SLC14A2: variants seen among roughly 807,000 people sequenced by gnomAD.
SLC14A2 encodes the protein solute carrier family 14 member 2.
A neutral mutation model predicts 104.6 loss-of-function variants in SLC14A2; 91 were observed. The observed-to-expected ratio is 0.87, with a 90% CI of 0.73 to 1.04. The LOEUF (loss-of-function observed/expected upper bound fraction) is 1.04. Among genes scored for constraint, SLC14A2 ranks in the 50% least tolerant of loss-of-function variants. The pLI is 0.00. For synonymous variants in SLC14A2, 476 were observed against 466.4 expected (o/e 1.02, Z -0.27); for missense variants, 1,189 against 1,156.0 (o/e 1.03, Z -0.41).
intron 1 of SLC14A2, among the ~76,000 whole-genome samples, chr18:45,343,282 C>T (rs146893174): frequency 7.2e-4 from 110 of 152,066 alleles, no homozygotes; most frequent in African/African-American, 2.6e-3. Flanking sequence ...ATGAGTCCCA[C>T]AGAGGAGATG....
the SLC14A2 span, among the ~76,000 whole-genome samples, chr18:45,199,098 A>G: frequency 6.6e-6 from 1 of 152,184 alleles, no homozygotes; most frequent in African/African-American, 2.4e-5. Flanking sequence ...AAAATTATAC[A>G]TTCACAATTA....
At chr18:45,271,399 G>A (rs554801663) in intron 1 of SLC14A2, among the ~76,000 whole-genome samples, 96 of 152,180 alleles carry the variant, frequency 6.3e-4, no homozygotes, top group African/African-American at 2.2e-3. Flanking sequence ...TTTATGACTT[G>A]AATGGAAATA....
intron 1 of SLC14A2, among the ~76,000 whole-genome samples, chr18:45,245,219 G>A (rs1194568163): frequency 6.6e-6 from 1 of 152,166 alleles, no homozygotes; most frequent in Non-Finnish European, 1.5e-5. Flanking sequence ...GGGGTTTGAG[G>A]TTTAGGCCCT....
At chr18:45,644,559 G>A (rs946611934) in intron 10 of SLC14A2, among the ~76,000 whole-genome samples, 1 of 152,188 alleles carries the variant, frequency 6.6e-6, no homozygotes, top group Non-Finnish European at 1.5e-5. Context: ...CAGACACAGA[G>A]TAGGGGGGTA....
intron 1 of SLC14A2, among the ~76,000 whole-genome samples, chr18:45,257,137 T>A (rs2084487668): frequency 2.0e-5 from 3 of 152,228 alleles, no homozygotes; most frequent in Admixed American, 2.0e-4. Context: ...AGAGTGACAG[T>A]GTTTTCAAGA....
chr18:45,258,589 C>G (rs998197497), intron 1 of SLC14A2, among the ~76,000 whole-genome samples: 2 of 143,060 alleles, frequency 1.4e-5, no homozygotes, highest in Non-Finnish European at 3.0e-5. Flanking sequence ...AGGCAAGGAC[C>G]TTTCTTATTG....
intron 1 of SLC14A2, among the ~76,000 whole-genome samples, chr18:45,314,667 T>C (rs1191340921): frequency 6.6e-6 from 1 of 152,214 alleles, no homozygotes; most frequent in Admixed American, 6.5e-5. Flanking sequence ...CTCTTGGCAA[T>C]TGCAGAGAAT....
Position 45,673,691 on chromosome 18 carries a change from A to G in SLC14A2, c.2386A>G (p.Ile796Val). The G allele has an allele frequency of 1.2e-6, 2 of 1,613,936 alleles. No individual in the cohort carries two copies. The highest frequency in any genetic ancestry group is 1.7e-6 in the Non-Finnish European group (2 of 1,179,916). Reference protein sequence around the residue: ...STMGMLAALTIATPFDSIYFG... With the variant: ...STMGMLAALTVATPFDSIYFG... ...CCTGCCTTCTGTCACAGCACTCACT[A>G]TTGCGACGCCCTTTGACTCCATCTA... Residue 796 changes from isoleucine (I) to valine (V), a missense_variant, in exon 18 of 20, where the codon ATT becomes GTT. By Grantham distance (29) the Ile-to-Val change is conservative. Transcript: ENST00000255226.
chr18:45,246,600 TCTCA>T (rs1189601159), intron 1 of SLC14A2, among the ~76,000 whole-genome samples: 2 of 152,070 alleles, frequency 1.3e-5, no homozygotes, highest in East Asian at 3.9e-4. Flanking sequence ...TGAGACAGAC[TCTCA>T]CTCTGTCGCC....
intron 1 of SLC14A2, among the ~76,000 whole-genome samples, chr18:45,365,046 CTGAT>C (rs2085652874): frequency 6.6e-6 from 1 of 152,158 alleles, no homozygotes; most frequent in Admixed American, 6.5e-5. Flanking sequence ...GGAATCCTCT[CTGAT>C]TGAAAGAGAA....
intron 2 of SLC14A2, among the ~76,000 whole-genome samples, chr18:45,484,550 T>A (rs1434175394): frequency 6.6e-6 from 1 of 152,198 alleles, no homozygotes; most frequent in Non-Finnish European, 1.5e-5. Flanking sequence ...ATGGAGGAAC[T>A]TCTAATGCCA....
the SLC14A2 span, among the ~76,000 whole-genome samples, chr18:45,175,647 C>A: frequency 1.3e-5 from 2 of 152,106 alleles, no homozygotes; most frequent in African/African-American, 4.8e-5. Context: ...AAAAATAAGA[C>A]TCAGGTTCAG....
chr18:45,414,014 A>G (rs906223433), intron 1 of SLC14A2, among the ~76,000 whole-genome samples: 2 of 152,224 alleles, frequency 1.3e-5, no homozygotes, highest in Admixed American at 1.3e-4. Flanking sequence ...GCCTCGTACA[A>G]AAAAAGTATT....
chr18:45,516,966 G>A (rs2043449839), intron 2 of SLC14A2, among the ~76,000 whole-genome samples: 2 of 152,234 alleles, frequency 1.3e-5, no homozygotes. Flanking sequence ...TGGAAGAGAA[G>A]AGAAAGCACT....
intron 1 of SLC14A2, among the ~76,000 whole-genome samples, chr18:45,480,015 A>C (rs1444616749): frequency 2.6e-5 from 4 of 152,186 alleles, no homozygotes; most frequent in Non-Finnish European, 5.9e-5. Context: ...TGGTTCAGTA[A>C]GTAGGGCTAG....
chr18:45,365,135 C>T (rs544135027), intron 1 of SLC14A2, among the ~76,000 whole-genome samples: 5 of 152,312 alleles, frequency 3.3e-5, no homozygotes, highest in Admixed American at 6.5e-5. Flanking sequence ...ATGTGGACTT[C>T]TAAGACCCCG....
In SLC14A2 at chr18:45,283,231, G is replaced by A. The variant is rs1044562431; in HGVS notation, c.-125+70040G>A. On this transcript the variant is annotated intron_variant, in intron 1 of 20. Coordinates refer to the SLC14A2 transcript ENST00000586448. ...CATGAGAGAAATTTCTGAACACGTCGAGTCTCCTAATTGATAAAAGTGGAA... is the reference window on the plus strand; with the variant it reads ...CATGAGAGAAATTTCTGAACACGTCAAGTCTCCTAATTGATAAAAGTGGAA... Among the ~76,000 whole-genome samples, 3 of 149,756 alleles carry A rather than the reference G, an allele frequency of 2.0e-5. No homozygotes were observed. In the Admixed American group the frequency reaches 2.0e-4, roughly 10 times the overall value.
At chr18:45,454,570 T>G (rs975341188) in intron 1 of SLC14A2, among the ~76,000 whole-genome samples, 1 of 152,226 alleles carries the variant, frequency 6.6e-6, no homozygotes, top group African/African-American at 2.4e-5. Context: ...AGACATGAAG[T>G]CTTTTCCCAT....
intron 2 of SLC14A2, among the ~76,000 whole-genome samples, chr18:45,536,522 A>C (rs1034791772): frequency 6.6e-6 from 1 of 152,090 alleles, no homozygotes; most frequent in Non-Finnish European, 1.5e-5. Context: ...CTGTCTTCAC[A>C]TGGCCTTCTC....
Sources: gnomAD v4.1 joint callset for allele counts (sites outside exome capture counted in the v4.1 genomes callset) on GRCh38, gnomAD v4.1.1 for gene constraint, MANE v1.5 for transcripts, NCBI Gene and HGNC (gene_info 2026-07-23, HGNC 2026-07-21) for gene names.